SESTD1: variants seen among roughly 807,000 people sequenced by gnomAD.
SESTD1 encodes SEC14 and spectrin domain containing 1, also known as SEC14 domain and spectrin repeat-containing protein 1.
Under a neutral mutation model 101.7 loss-of-function variants are expected in SESTD1, and 43 were observed. The observed-to-expected ratio is 0.42, with a 90% CI of 0.33 to 0.55. The LOEUF (loss-of-function observed/expected upper bound fraction) is 0.55, where lower values mean the gene tolerates loss of function less well. SESTD1 is among the 20% of genes least tolerant of loss of function. The pLI is 0.07. For synonymous variants in SESTD1, 283 were observed against 286.8 expected, an observed-to-expected ratio of 0.99 and a Z score of 0.13; for missense variants, 647 against 815.1, an observed-to-expected ratio of 0.79 and a Z score of 2.51.
intron 9 of SESTD1, among the ~76,000 whole-genome samples, chr2:179,139,112 C>A (rs1007098400): frequency 6.6e-6 from 1 of 152,090 alleles, no homozygotes; most frequent in Non-Finnish European, 1.5e-5. Flanking sequence ...GTTCTATTCT[C>A]TAAAACAAAT....
At chr2:179,189,828 C>T (rs1019123976) in intron 2 of SESTD1, among the ~76,000 whole-genome samples, 9 of 151,776 alleles carry the variant, frequency 5.9e-5, no homozygotes, top group African/African-American at 2.2e-4. Context: ...TTATAATGGC[C>T]ATAAAAAATA....
chr2:179,132,450 AT>A (rs3214766), intron 9 of SESTD1, 24 bp from the exon 10 acceptor site: 553,795 of 1,544,226 alleles, frequency 0.36, 108,500 homozygotes, highest in African/African-American at 0.75. Context: ...TTGAGATAAC[AT>A]TTTTTAAAGA....
chr2:179,194,866 CAT>C (rs2046367276), intron 1 of SESTD1, among the ~76,000 whole-genome samples: 1 of 152,194 alleles, frequency 6.6e-6, no homozygotes, highest in South Asian at 2.1e-4. Flanking sequence ...ACCTCACTGT[CAT>C]AGCTGTTTAT....
At chr2:179,253,296 C>T (rs773219014) in intron 1 of SESTD1, among the ~76,000 whole-genome samples, 25 of 151,818 alleles carry the variant, frequency 1.6e-4, no homozygotes, top group Non-Finnish European at 3.4e-4. Flanking sequence ...CAACTAAATG[C>T]AATCTTGTTT....
At chr2:179,132,240 C>T (rs2045028913) in intron 10 of SESTD1, 64 bp downstream of exon 10, 1 of 1,479,774 alleles carries the variant, frequency 6.8e-7, no homozygotes. Flanking sequence ...CTCAGTACCA[C>T]ATATGCTACT....
rs1192946343 is a variant in SESTD1, at chr2:179,207,493, C to T, written c.-25-15627G>A. On this transcript the variant is annotated intron_variant, in intron 1 of 17. Transcript: ENST00000428443. ...CACAGAGTCCACCTTATTTACTCCC[C>T]TGCCACCTCCACCTGAGCAGGTGCT... 2.2e-5 allele frequency among the ~76,000 whole-genome samples: 3 copies of T among 135,170 alleles called. 1 individual carries two copies. Among genetic ancestry groups the T allele is most frequent in the East Asian group, 4.0e-4 (2 of 5,012 alleles). 88.7% of individuals were successfully genotyped at this position (135,170 alleles called of 152,430 possible). A position where few individuals can be genotyped will look rare whatever the true frequency, so the allele number is the denominator to read the frequency against.
intron 1 of SESTD1, among the ~76,000 whole-genome samples, chr2:179,195,889 T>C (rs150067839): frequency 1.4e-4 from 21 of 150,414 alleles, no homozygotes; most frequent in African/African-American, 5.1e-4. Context: ...AAAAATCTCG[T>C]ATGGTAAATT....
intron 2 of SESTD1, among the ~76,000 whole-genome samples, chr2:179,189,851 C>T (rs1045160324): frequency 6.6e-6 from 1 of 151,938 alleles, no homozygotes; most frequent in East Asian, 1.9e-4. Context: ...TAAAACTACA[C>T]CTAAGCAAAA....
At chr2:179,111,806 G>A (rs900989522) in intron 17 of SESTD1, among the ~76,000 whole-genome samples, 1 of 147,298 alleles carries the variant, frequency 6.8e-6, no homozygotes, top group Non-Finnish European at 1.5e-5. Flanking sequence ...TGCAAGCTCC[G>A]CCTCCCAGGT....
At chr2:179,148,619 TATA>T (rs1241622016) in intron 7 of SESTD1, among the ~76,000 whole-genome samples, 2 of 152,254 alleles carry the variant, frequency 1.3e-5, no homozygotes, top group African/African-American at 4.8e-5. Flanking sequence ...CAAATAAGGT[TATA>T]ATAATTGTAT....
chr2:179,144,481 T>TG (rs2045352606), intron 8 of SESTD1, among the ~76,000 whole-genome samples: 1 of 152,094 alleles, frequency 6.6e-6, no homozygotes, highest in Admixed American at 6.5e-5. Context: ...AGCAAACTCA[T>TG]GTAGAAAATC....
At chr2:179,240,455 G>C (rs951175594) in intron 1 of SESTD1, among the ~76,000 whole-genome samples, 2 of 152,140 alleles carry the variant, frequency 1.3e-5, no homozygotes, top group African/African-American at 2.4e-5. Context: ...AGACTGACTA[G>C]GGGCCTCAGG....
intron 3 of SESTD1, among the ~76,000 whole-genome samples, chr2:179,178,110 T>G (rs1302937292): frequency 6.6e-6 from 1 of 152,158 alleles, no homozygotes; most frequent in Non-Finnish European, 1.5e-5. Context: ...TGTTCTGAAA[T>G]TAGATAGCAT....
chr2:179,242,101 T>G (rs911749885), intron 1 of SESTD1, among the ~76,000 whole-genome samples: 2 of 152,140 alleles, frequency 1.3e-5, no homozygotes, highest in Admixed American at 6.5e-5. Context: ...CTAGAACTGA[T>G]AAATGGGCTC....
At chr2:179,229,833 C>G (rs1489182976) in intron 1 of SESTD1, among the ~76,000 whole-genome samples, 1 of 138,470 alleles carries the variant, frequency 7.2e-6, no homozygotes, top group East Asian at 2.1e-4. Flanking sequence ...ACTTGAGAAA[C>G]ACAAAATCCT....
intron 5 of SESTD1, among the ~76,000 whole-genome samples, chr2:179,155,211 C>T (rs186125691): frequency 1.7e-3 from 260 of 152,088 alleles, no homozygotes; most frequent in South Asian, 0.016. Flanking sequence ...CCATCGCATC[C>T]GGCCCACAAC....
chr2:179,196,660 G>A (rs949821638), intron 1 of SESTD1, among the ~76,000 whole-genome samples: 94 of 152,222 alleles, frequency 6.2e-4, no homozygotes, highest in Non-Finnish European at 1.0e-3. Context: ...CCTGACCCCC[G>A]AGCAGCCTAA....
intron 9 of SESTD1, among the ~76,000 whole-genome samples, chr2:179,140,310 T>C (rs1451572656): frequency 6.6e-6 from 1 of 151,886 alleles, no homozygotes; most frequent in African/African-American, 2.4e-5. Context: ...TTTAAAGAGG[T>C]AATTAACCTA....
intron 1 of SESTD1, among the ~76,000 whole-genome samples, chr2:179,222,712 T>C (rs2046831653): frequency 6.6e-6 from 1 of 152,226 alleles, no homozygotes; most frequent in East Asian, 1.9e-4. Context: ...AATTAACAGA[T>C]TTATAAATCA....
Sources: allele counts gnomAD v4.1 joint callset (sites outside exome capture counted in the v4.1 genomes callset), GRCh38; gene constraint gnomAD v4.1.1; transcripts MANE v1.5; gene names NCBI Gene and HGNC (gene_info 2026-07-23, HGNC 2026-07-21).